TPM4: variants seen among roughly 807,000 people sequenced by gnomAD.
TPM4 encodes tropomyosin alpha-4 chain.
Under a neutral mutation model 35.8 loss-of-function variants are expected in TPM4, and 17 were observed. The observed-to-expected ratio is 0.47, with a 90% CI of 0.32 to 0.71. The LOEUF (loss-of-function observed/expected upper bound fraction) is 0.71, where lower values mean the gene tolerates loss of function less well. TPM4 is among the 30% of genes least tolerant of loss of function. The pLI is 0.03. For synonymous variants in TPM4, 120 were observed against 122.9 expected, an observed-to-expected ratio of 0.98 and a Z score of 0.15; for missense variants, 240 against 320.9, an observed-to-expected ratio of 0.75 and a Z score of 1.93.
At chr19:16,089,166 C>CT in intron 5 of TPM4, 46 bp downstream of exon 5, 1 of 1,610,252 alleles carries the variant, frequency 6.2e-7, no homozygotes, top group Admixed American at 1.7e-5. Flanking sequence ...GGACTTTGTT[C>CT]TTTTCTTCTC....
intron 1 of TPM4, chr19:16,076,904 G>T: frequency 8.8e-7 from 1 of 1,131,158 alleles, no homozygotes; most frequent in African/African-American, 1.6e-5. Flanking sequence ...CCTGGGACAG[G>T]GGAGGGGGCG....
Position 16,067,543 on chromosome 19 carries a change from G to GC in TPM4, c.-78dup, listed in dbSNP as rs1262618702. The GC allele has an allele frequency of 2.1e-4, 270 of 1,316,568 alleles. No homozygotes were observed. The highest frequency in any genetic ancestry group is 1.9e-4 in the Non-Finnish European group (178 of 944,180). The allele number at this position is 1,316,568 out of a possible 1,614,324, so 81.6% of individuals were successfully genotyped here. A position where few individuals can be genotyped will look rare whatever the true frequency, so the allele number is the denominator to read the frequency against. ...TCCTCCACCCTGCCAGGCTCACTCTGCCCCACAGCCACAGCCCCTGACTGC... is the reference window on the plus strand; with the variant it reads ...TCCTCCACCCTGCCAGGCTCACTCTGCCCCCACAGCCACAGCCCCTGACTGC... On this transcript the variant is annotated 5_prime_UTR_variant, in exon 2 of 3. Transcript: ENST00000589897. The surrounding 1 kb of genome is among the most constrained non-coding windows in gnomAD (Gnocchi z 4.1).
At chr19:16,087,829 C>T (rs542612060) in intron 3 of TPM4, among the ~76,000 whole-genome samples, 198 bp from the exon 4 acceptor site, 4 of 152,042 alleles carry the variant, frequency 2.6e-5, no homozygotes, top group Non-Finnish European at 5.9e-5. Context: ...TGCAGTGAGC[C>T]GAGACTGTGC....
intron 2 of TPM4, among the ~76,000 whole-genome samples, chr19:16,086,190 G>A (rs1293835224): frequency 1.3e-5 from 2 of 151,946 alleles, no homozygotes; most frequent in Non-Finnish European, 1.5e-5. Flanking sequence ...TAGGGGTGGT[G>A]TCTCACGCAA....
chr19:16,068,872 C>T (rs763558951), intron 2 of TPM4, among the ~76,000 whole-genome samples: 13 of 151,976 alleles, frequency 8.6e-5, no homozygotes, highest in East Asian at 1.9e-4. Flanking sequence ...GAAAAGAGTG[C>T]GGAGGGGTAA....
At chr19:16,085,404 AT>A (rs918283085) in intron 2 of TPM4, among the ~76,000 whole-genome samples, 2 of 151,544 alleles carry the variant, frequency 1.3e-5, no homozygotes, top group African/African-American at 2.4e-5. Context: ...TCCACAAAAA[AT>A]TTTTTTTTAG....
upstream of TPM4, chr19:16,075,942 G>A (rs1051147793): frequency 1.4e-5 from 21 of 1,452,416 alleles, no homozygotes; most frequent in Non-Finnish European, 1.0e-5. Flanking sequence ...CTGATGCCCA[G>A]AGAGAGACGG....
At chr19:16,089,881 C>T (rs1265451627) in intron 5 of TPM4, among the ~76,000 whole-genome samples, 2 of 150,862 alleles carry the variant, frequency 1.3e-5, no homozygotes, top group Non-Finnish European at 3.0e-5. Flanking sequence ...TTTTTTGAGA[C>T]AGGGTCTCAC....
intron 7 of TPM4, chr19:16,095,157 C>T (rs547770865): frequency 1.4e-5 from 9 of 631,048 alleles, no homozygotes; most frequent in Admixed American, 6.1e-5. Flanking sequence ...TGTTTGCTCA[C>T]GTGTTTTTTT....
At chr19:16,085,572 TAAAAGA>T (rs1259587649) in intron 2 of TPM4, among the ~76,000 whole-genome samples, 1 of 151,458 alleles carries the variant, frequency 6.6e-6, no homozygotes, top group Admixed American at 6.6e-5. Flanking sequence ...TCTCTCAAAA[TAAAAGA>T]AAAAGAAAGG....
In TPM4 at chr19:16,093,425, A is replaced by T. The variant is rs1599381497; in HGVS notation, c.532-111A>T. The stretch of plus-strand genomic sequence containing the variant: ...TGGCCAGGCTGGTCTCGAACTCCTG[A>T]CCTTGTGATCCACCAGCCTCAGGCT... On this transcript the variant is annotated intron_variant, in intron 5 of 7. Transcript: ENST00000643579. The T allele has an allele frequency of 4.1e-6, 5 of 1,213,478 alleles. No individual in the cohort carries two copies. In the Admixed American group the frequency reaches 9.2e-5, roughly 22 times the overall value. The allele number at this position is 1,213,478 out of a possible 1,614,324, so 75.2% of individuals were successfully genotyped here. A position where few individuals can be genotyped will look rare whatever the true frequency, so the allele number is the denominator to read the frequency against.
At chr19:16,086,650 GTCC>G (rs1408329515) in intron 3 of TPM4, 110 bp downstream of exon 3, 8 of 823,424 alleles carry the variant, frequency 9.7e-6, no homozygotes, top group Non-Finnish European at 1.6e-5. Context: ...TAGGTCAGCT[GTCC>G]TCCTGCGTGA....
chr19:16,073,963 C>CAAAAAGAA (rs2090379578), upstream of TPM4, among the ~76,000 whole-genome samples: 8 of 71,860 alleles, frequency 1.1e-4, no homozygotes, highest in East Asian at 4.3e-4. Context: ...AAAAAAAACG[C>CAAAAAGAA]AAAAAAAAAA....
chr19:16,097,279 CTTCT>C (rs2090712871), intron 7 of TPM4, among the ~76,000 whole-genome samples: 1 of 143,778 alleles, frequency 7.0e-6, no homozygotes, highest in Non-Finnish European at 1.5e-5. Flanking sequence ...TTTTTTTTTT[CTTCT>C]TTCTTTTTGA....
chr19:16,101,084 T>C (rs942991184), intron 7 of TPM4, 180 bp from the exon 8 acceptor site: 1 of 442,328 alleles, frequency 2.3e-6, no homozygotes, highest in African/African-American at 2.1e-5. Context: ...GGCAGGAGAA[T>C]TGCTTGAGCC....
In TPM4 at chr19:16,067,814, G is replaced by C; in HGVS notation, c.114+76G>C. 1.4e-6 allele frequency: 2 copies of C among 1,415,226 alleles called. No individual in the cohort carries two copies. The highest frequency in any genetic ancestry group is 1.2e-5 in the South Asian group (1 of 81,204). 87.7% of individuals were successfully genotyped at this position (1,415,226 alleles called of 1,614,324 possible). On this transcript the variant is annotated intron_variant, in intron 2 of 2. Transcript: ENST00000589897. This position sits in a 1 kb window ranked among gnomAD's most constrained non-coding sequence, Gnocchi z 4.1. ...GCGGAAGGCCGGGGTCTGGAGCCCA[G>C]TTGGGGGTCGCAGACACCTGCGGGA... is the stretch of plus-strand genomic sequence containing the variant.
chr19:16,072,703 G>A (rs10403799), upstream of TPM4, among the ~76,000 whole-genome samples: 47,682 of 152,058 alleles, frequency 0.31, 8,183 homozygotes, highest in East Asian at 0.46. Context: ...ATCACCTGAG[G>A]TCAGGAGTTC....
At chr19:16,078,181 TG>T (rs1163986379) in intron 1 of TPM4, 2 of 398,624 alleles carry the variant, frequency 5.0e-6, no homozygotes, top group African/African-American at 4.1e-5. Flanking sequence ...TGTGCAGTTA[TG>T]GGAGCATGAC....
rs562457151 is a variant in TPM4 at position 16,089,454 on chromosome 19, A to G, written c.531+334A>G. ...TGATTCCCCTGGTTCCTCCAGAAAT[A>G]CCATCTCAAAGGTATAGCAATGATC... On this transcript the variant is annotated intron_variant, in intron 5 of 7. Coordinates refer to ENST00000643579, the MANE Select transcript of TPM4 (RefSeq NM_003290.3). 8.1e-4 allele frequency among the ~76,000 whole-genome samples: 124 copies of G among 152,284 alleles called. 1 individual carries two copies. Among genetic ancestry groups the G allele is most frequent in the African/African-American group, 2.8e-3 (118 of 41,566 alleles).
Sources: allele counts gnomAD v4.1 joint callset (sites outside exome capture counted in the v4.1 genomes callset), GRCh38; gene constraint gnomAD v4.1.1; non-coding constraint Gnocchi (gnomAD v3.1); transcripts MANE v1.5; gene names NCBI Gene and HGNC (gene_info 2026-07-23, HGNC 2026-07-21).